Variants in GPC3 observed in about 807,000 individuals in gnomAD.
The protein encoded by GPC3 is glypican-3.
GPC3 carries 3 observed loss-of-function variants against 34.4 expected under a neutral mutation model. The ratio of observed to expected loss-of-function variants is 0.09; its 90% CI spans 0.04 to 0.23. The LOEUF is 0.23. GPC3 is among the 10% of genes least tolerant of loss of function. GPC3 has a pLI of 1.00. For missense variants in GPC3, 351 were observed against 445.6 expected, an observed-to-expected ratio of 0.79 and a Z score of 1.91; for synonymous variants, 177 against 174.0, an observed-to-expected ratio of 1.02 and a Z score of -0.13.
intron 2 of GPC3, among the ~76,000 whole-genome samples, chrX:133,777,413 T>C (rs1034389898): frequency 1.4e-4 from 16 of 111,101 alleles, no homozygotes; most frequent in African/African-American, 4.6e-4. Context: ...TTTCTCAAGT[T>C]AGAAGTCTGA....
At chrX:133,749,260 C>CA (rs1345210295) in intron 3 of GPC3, among the ~76,000 whole-genome samples, 4 of 111,450 alleles carry the variant, frequency 3.6e-5, no homozygotes, top group Non-Finnish European at 7.5e-5. Flanking sequence ...GACCCTGTCT[C>CA]AAAAAACAAA....
At chrX:133,795,523 G>A (rs754918971) in intron 2 of GPC3, among the ~76,000 whole-genome samples, 76 of 111,137 alleles carry the variant, frequency 6.8e-4, no homozygotes, top group African/African-American at 2.3e-3. Flanking sequence ...GCTTAGGTCC[G>A]ATAAGATAGA....
intron 2 of GPC3, among the ~76,000 whole-genome samples, chrX:133,806,944 G>A (rs1255955457): frequency 1.8e-5 from 2 of 111,653 alleles, no homozygotes; most frequent in African/African-American, 3.3e-5. Context: ...CACCGCACCC[G>A]GCCAAGATCG....
intron 1 of GPC3, among the ~76,000 whole-genome samples, chrX:133,968,221 T>C (rs990336677): frequency 8.9e-6 from 1 of 112,595 alleles, no homozygotes; most frequent in Non-Finnish European, 1.9e-5. Flanking sequence ...TTTCTTCCTC[T>C]TTCCCCCTCA....
intron 2 of GPC3, among the ~76,000 whole-genome samples, chrX:133,871,552 C>T (rs1246800742): frequency 1.8e-5 from 2 of 111,984 alleles, no homozygotes; most frequent in Non-Finnish European, 3.8e-5. Context: ...TGATGCTAGA[C>T]AGATATTTTC....
chrX:133,804,815 G>T (rs1047407209), intron 2 of GPC3, among the ~76,000 whole-genome samples: 6 of 110,407 alleles, frequency 5.4e-5, no homozygotes, highest in Non-Finnish European at 9.5e-5. Flanking sequence ...ATGAATCCTA[G>T]GTGGTGGTGG....
chrX:133,594,388 G>A (rs1274302052), intron 7 of GPC3, among the ~76,000 whole-genome samples: 1 of 111,603 alleles, frequency 9.0e-6, no homozygotes, highest in Non-Finnish European at 1.9e-5. Flanking sequence ...CTTTATGTAA[G>A]TTATTTCCCA....
intron 7 of GPC3, among the ~76,000 whole-genome samples, chrX:133,571,130 C>G (rs2069625098): frequency 9.0e-6 from 1 of 111,213 alleles, no homozygotes; most frequent in African/African-American, 3.3e-5. Flanking sequence ...TTTGTATTAC[C>G]TTATAAATCT....
At chrX:133,752,163 T>C (rs1468368076) in intron 3 of GPC3, among the ~76,000 whole-genome samples, 2 of 111,483 alleles carry the variant, frequency 1.8e-5, no homozygotes, top group African/African-American at 6.5e-5. Context: ...CCACAGCACC[T>C]GGCCACATAT....
At position 133,606,901 on chromosome X, in the gene GPC3, A is replaced by G. The variant is rs1013624370; in HGVS notation, c.1414-10302T>C. On this transcript the variant is annotated intron_variant, in intron 6 of 7. Transcript: ENST00000370818. ...AAAATATTAATATTATACATGAAAA[A>G]CTATATATTTATAAAATCTGAATTT... Among the ~76,000 whole-genome samples the G allele has an allele frequency of 2.7e-5, 3 of 111,548 alleles. 1 individual carries two copies. Among genetic ancestry groups the G allele is most frequent in the African/African-American group, 3.3e-5 (1 of 30,696 alleles).
chrX:133,618,677 G>C (rs778653980), intron 6 of GPC3, among the ~76,000 whole-genome samples: 2 of 102,781 alleles, frequency 1.9e-5, no homozygotes, highest in East Asian at 6.1e-4. Context: ...TTCCAGCCTG[G>C]GTCACAGAGA....
intron 1 of GPC3, among the ~76,000 whole-genome samples, chrX:133,984,367 A>T (rs1308986828): frequency 8.8e-6 from 1 of 113,219 alleles, no homozygotes; most frequent in African/African-American, 3.2e-5. Flanking sequence ...GGCGGGCGTT[A>T]GGAGCCCAAC....
intron 2 of GPC3, among the ~76,000 whole-genome samples, chrX:133,937,482 C>T (rs1376705741): frequency 1.8e-5 from 2 of 110,891 alleles, no homozygotes; most frequent in Non-Finnish European, 3.8e-5. Context: ...TTTTAAACCA[C>T]ATCTGAACAT....
chrX:133,920,538 T>C (rs1170087941), intron 2 of GPC3, among the ~76,000 whole-genome samples: 1 of 111,892 alleles, frequency 8.9e-6, no homozygotes, highest in Non-Finnish European at 1.9e-5. Flanking sequence ...GTTAAATACA[T>C]TATACATATT....
intron 3 of GPC3, among the ~76,000 whole-genome samples, chrX:133,710,954 TA>T (rs2071261191): frequency 8.9e-6 from 1 of 111,978 alleles, no homozygotes; most frequent in African/African-American, 3.2e-5. Flanking sequence ...ATGTGCAGAT[TA>T]AAAGAGAACT....
intron 5 of GPC3, among the ~76,000 whole-genome samples, chrX:133,691,169 C>A (rs770112846): frequency 6.7e-4 from 74 of 111,275 alleles, no homozygotes; most frequent in Non-Finnish European, 1.1e-3. Context: ...CAGTGATGAG[C>A]AAATTCTTCA....
intron 7 of GPC3, among the ~76,000 whole-genome samples, chrX:133,569,571 C>G (rs1040435816): frequency 1.8e-5 from 2 of 112,333 alleles, no homozygotes; most frequent in Admixed American, 1.9e-4. Context: ...TAAAACAGCC[C>G]TGAAGCATCA....
chrX:133,821,423 T>C (rs1213668878), intron 2 of GPC3, among the ~76,000 whole-genome samples: 1 of 112,504 alleles, frequency 8.9e-6, no homozygotes, highest in Non-Finnish European at 1.9e-5. Flanking sequence ...ATTTTATCTA[T>C]AATTTGGGAA....
chrX:133,760,775 G>T (rs929678936), intron 2 of GPC3, among the ~76,000 whole-genome samples: 37 of 111,308 alleles, frequency 3.3e-4, no homozygotes, highest in Non-Finnish European at 5.7e-4. Flanking sequence ...GTAAACATAT[G>T]GGCTTTGGTT....
Sources: gnomAD v4.1 joint callset for allele counts (sites outside exome capture counted in the v4.1 genomes callset) on GRCh38, gnomAD v4.1.1 for gene constraint, MANE v1.5 for transcripts, NCBI Gene and HGNC (gene_info 2026-07-23, HGNC 2026-07-21) for gene names.